MUCL1: variants seen among roughly 807,000 people sequenced by gnomAD.
MUCL1 encodes the protein mucin like 1, also known as mucin-like protein 1.
In MUCL1, 11 loss-of-function variants were observed where a neutral mutation model predicts 9.2. The observed-to-expected ratio is 1.19, with a 90% CI of 0.75 to 1.97. MUCL1 has a LOEUF of 1.97. Ranked by LOEUF, MUCL1 falls within the 30% of genes most tolerant of loss-of-function variation. The pLI is 0.00. For synonymous variants in MUCL1, 48 were observed against 40.5 expected (o/e 1.19, Z -0.71); for missense variants, 144 against 110.9 (o/e 1.30, Z -1.34).
rs769469721 is a variant in MUCL1 at position 54,854,978 on chromosome 12, TTG to T, written c.59-136_59-135del. On this transcript the variant is annotated intron_variant, in intron 1 of 3. Transcript: ENST00000308796. ...CATGGGTTTTATCTTATCTGTGCAC[TTG>T]TTCTTCCTCAACTGGTACACCAAGG... 7.3e-5 allele frequency: 52 copies of T among 716,820 alleles called. 1 individual carries two copies. Among genetic ancestry groups the T allele is most frequent in the Non-Finnish European group, 1.2e-4 (51 of 412,954 alleles). 44.4% of individuals were successfully genotyped at this position (716,820 alleles called of 1,614,324 possible).
upstream of MUCL1, among the ~76,000 whole-genome samples, chr12:54,854,165 C>T (rs189145077): frequency 9.2e-5 from 14 of 152,258 alleles, no homozygotes; most frequent in African/African-American, 2.4e-4. Context: ...TGTATGACTC[C>T]TAGAATCTAT....
chr12:54,855,072 C>G (rs1380939090), intron 1 of MUCL1, 44 bp from the exon 2 acceptor site: 1 of 1,575,664 alleles, frequency 6.3e-7, no homozygotes. Flanking sequence ...ATCCTCCAAA[C>G]TGGTATTCAG....
At chr12:54,841,362 G>A (rs1292900579) in intron 1 of MUCL1, among the ~76,000 whole-genome samples, 2 of 152,164 alleles carry the variant, frequency 1.3e-5, no homozygotes, top group African/African-American at 2.4e-5. Context: ...TATATACATA[G>A]ATGTATTGCT....
At chr12:54,848,457 T>A (rs1358688089) in intron 1 of MUCL1, among the ~76,000 whole-genome samples, 1 of 152,208 alleles carries the variant, frequency 6.6e-6, no homozygotes, top group Non-Finnish European at 1.5e-5. Flanking sequence ...GAAATTATAA[T>A]GAAAACGGCA....
rs773647507 is a variant in MUCL1, at chr12:54,855,198, C to A, written c.100+41C>A. On this transcript the variant is annotated intron_variant, in intron 2 of 3. Coordinates refer to ENST00000308796, the MANE Select transcript of MUCL1 (RefSeq NM_058173.3). ...AATGTCATCTCTTTCCAGCAATAAC[C>A]ATTTTTCACTTCCAGCCTCATGTCA... 7.6e-6 allele frequency: 12 copies of A among 1,586,852 alleles called. No homozygotes were observed. The Admixed American group carries it at 1.7e-4, about 22-fold the overall frequency.
At chr12:54,831,364 A>C (rs1959185144) in intron 1 of MUCL1, among the ~76,000 whole-genome samples, 1 of 152,154 alleles carries the variant, frequency 6.6e-6, no homozygotes, top group Admixed American at 6.6e-5. Context: ...GACTTGGGTA[A>C]GTTTTTGGTA....
upstream of MUCL1, chr12:54,839,328 C>T (rs1438206513): frequency 1.4e-6 from 1 of 699,192 alleles, no homozygotes; most frequent in Non-Finnish European, 2.6e-6. Flanking sequence ...TCTCCAGTGG[C>T]ACACACTTAT....
At chr12:54,854,703 A>C in intron 1 of MUCL1, 63 bp downstream of exon 1, 1 of 1,443,544 alleles carries the variant, frequency 6.9e-7, no homozygotes, top group Non-Finnish European at 9.7e-7. Flanking sequence ...ATCTCCTCTA[A>C]AGATGTGGGC....
chr12:54,849,776 A>G (rs535963677), upstream of MUCL1, among the ~76,000 whole-genome samples: 4 of 151,940 alleles, frequency 2.6e-5, no homozygotes, highest in East Asian at 7.7e-4. Flanking sequence ...ATACTCACAT[A>G]TGATACTTTA....
intron 1 of MUCL1, among the ~76,000 whole-genome samples, chr12:54,844,393 A>T (rs1264642708): frequency 6.6e-6 from 1 of 152,174 alleles, no homozygotes; most frequent in Non-Finnish European, 1.5e-5. Context: ...TAGGAGCTTC[A>T]TGCTTAACAG....
chr12:54,837,769 C>A (rs10876627), upstream of MUCL1, among the ~76,000 whole-genome samples: 78,011 of 150,902 alleles, frequency 0.52, 20,469 homozygotes, highest in East Asian at 0.86. Context: ...ACTCCGTCTC[C>A]AAAAAAACAA....
chr12:54,843,228 T>C (rs930641240), intron 1 of MUCL1, among the ~76,000 whole-genome samples: 1 of 152,248 alleles, frequency 6.6e-6, no homozygotes, highest in Non-Finnish European at 1.5e-5. Flanking sequence ...CCCAGGAGAA[T>C]GCTTTTGATG....
At chr12:54,850,122 T>G (rs984676415), upstream of MUCL1, among the ~76,000 whole-genome samples, 1 of 152,184 alleles carries the variant, frequency 6.6e-6, no homozygotes, top group Non-Finnish European at 1.5e-5. Context: ...ATAGTCTCCC[T>G]CAACCCTAGG....
At chr12:54,850,430 A>G (rs1006622334), upstream of MUCL1, among the ~76,000 whole-genome samples, 1 of 151,088 alleles carries the variant, frequency 6.6e-6, no homozygotes, top group Non-Finnish European at 1.5e-5. Context: ...TGTCCTTGCG[A>G]TGGTTGGCTG....
At chr12:54,842,471 A>G (rs1416921105) in intron 1 of MUCL1, among the ~76,000 whole-genome samples, 2 of 152,154 alleles carry the variant, frequency 1.3e-5, no homozygotes, top group African/African-American at 2.4e-5. Flanking sequence ...TAATTAGCAT[A>G]TGCATTACCT....
At chr12:54,857,384 G>A (rs531974129) in intron 3 of MUCL1, among the ~76,000 whole-genome samples, 2 of 151,942 alleles carry the variant, frequency 1.3e-5, no homozygotes, top group Non-Finnish European at 2.9e-5. Flanking sequence ...CTTTCTTGAG[G>A]CAGATTATTT....
intron 1 of MUCL1, among the ~76,000 whole-genome samples, chr12:54,840,001 C>T (rs904627359): frequency 2.0e-5 from 3 of 152,184 alleles, no homozygotes; most frequent in African/African-American, 7.2e-5. Context: ...TCTTTTGTCC[C>T]ACCTGGTATT....
chr12:54,852,732 C>G (rs1223841870), upstream of MUCL1, among the ~76,000 whole-genome samples: 3 of 152,102 alleles, frequency 2.0e-5, no homozygotes, highest in Non-Finnish European at 2.9e-5. Context: ...TCCTAGAAGA[C>G]CCTTCAATTT....
intron 2 of MUCL1, chr12:54,855,487 G>A: frequency 3.4e-6 from 1 of 293,374 alleles, no homozygotes; most frequent in South Asian, 4.5e-5. Context: ...ATAAATGGAA[G>A]GACTGAATAT....
Sources: gnomAD v4.1 joint callset for allele counts (sites outside exome capture counted in the v4.1 genomes callset) on GRCh38, gnomAD v4.1.1 for gene constraint, MANE v1.5 for transcripts, NCBI Gene and HGNC (gene_info 2026-07-23, HGNC 2026-07-21) for gene names.